Variants in TUSC2 observed in about 807,000 individuals in gnomAD.
TUSC2 encodes tumor suppressor candidate 2.
In TUSC2, 7 loss-of-function variants were observed where a neutral mutation model predicts 11.5. The observed-to-expected ratio is 0.61, with a 90% confidence interval of 0.35 to 1.14. The LOEUF (loss-of-function observed/expected upper bound fraction) is 1.14. TUSC2 is among the 50% of genes most tolerant of loss of function. The probability of loss-of-function intolerance (pLI) is 0.03; values close to 1 mark genes in which losing one functional copy is unlikely to be tolerated. For synonymous variants in TUSC2, 61 were observed against 64.1 expected (o/e 0.95, Z 0.23); for missense variants, 132 against 155.0 (o/e 0.85, Z 0.79).
chr3:50,328,203 C>T lies in TUSC2; in HGVS notation c.-104G>A. On this transcript the variant is annotated 5_prime_UTR_variant, in exon 1 of 3. Transcript: ENST00000232496. ...CCGCTGATCGCAGGTGCCGCCGCCG[C>T]CGCCTTCCGCAGGCTCGGCTGTCTC... The T allele has an allele frequency of 7.9e-7, 1 of 1,258,072 alleles. No individual in the cohort carries two copies. The highest frequency in any genetic ancestry group is 1.0e-6 in the Non-Finnish European group (1 of 985,696). 77.9% of individuals were successfully genotyped at this position (1,258,072 alleles called of 1,614,324 possible).
rs1702770089 is a variant in TUSC2, at chr3:50,325,188, G to A, written c.*933C>T. 2 of 152,532 alleles carry A rather than the reference G, an allele frequency of 1.3e-5. No homozygotes were observed. Among genetic ancestry groups the A allele is most frequent in the Admixed American group, 1.3e-4 (2 of 15,284 alleles). The allele number at this position is 152,532 out of a possible 1,614,324, so 9.4% of individuals were successfully genotyped here. A position where few individuals can be genotyped will look rare whatever the true frequency, so the allele number is the denominator to read the frequency against. On this transcript the variant is annotated 3_prime_UTR_variant, in exon 3 of 3. Transcript: ENST00000232496. The surrounding 1 kb of genome is among the most constrained non-coding windows in gnomAD (Gnocchi z 5.1). ...TGCTTTCCCTTGACTGATCCTGAAGGGGTGGGGGTTACTGTAAGGGAGGGG... is the reference window on the plus strand; with the variant it reads ...TGCTTTCCCTTGACTGATCCTGAAGAGGTGGGGGTTACTGTAAGGGAGGGG...
Position 50,327,267 on chromosome 3 carries a change from C to T in TUSC2, c.146+687G>A, listed in dbSNP as rs1471612746. The T allele has an allele frequency of 4.4e-6, 2 of 456,220 alleles. 1 individual carries two copies. The highest frequency in any genetic ancestry group is 4.7e-5 in the Admixed American group (2 of 42,558). The allele number at this position is 456,220 out of a possible 1,614,324, so 28.3% of individuals were successfully genotyped here. ...GGAATGAAGGCTGCGTCTCCCCTGA[C>T]CCCACACCCCAGGTGGCTGGTGAAT... is the stretch of plus-strand genomic sequence containing the variant. On this transcript the variant is annotated intron_variant, in intron 1 of 2. Coordinates refer to ENST00000232496, the MANE Select transcript of TUSC2 (RefSeq NM_007275.3).
At position 50,328,138 on chromosome 3, in the gene TUSC2, C is replaced by A; in HGVS notation, c.-39G>T. On this transcript the variant is annotated 5_prime_UTR_variant, in exon 1 of 3. Transcript: ENST00000232496. ...GCGCATGGCGGGCCCCGTGGCCGCT[C>A]TGCTCACACCGCAGTCCGCACTACC... 1 of 1,354,004 alleles carries A rather than the reference C, an allele frequency of 7.4e-7. No individual in the cohort carries two copies. The highest frequency in any genetic ancestry group is 1.7e-5 in the South Asian group (1 of 57,364). The allele number at this position is 1,354,004 out of a possible 1,614,324, so 83.9% of individuals were successfully genotyped here. A position where few individuals can be genotyped will look rare whatever the true frequency, so the allele number is the denominator to read the frequency against.
In TUSC2 at chr3:50,326,493, AG is replaced by A; in HGVS notation, c.147-17del. 6.2e-7 allele frequency: 1 copy of A among 1,612,530 alleles called. No homozygotes were observed. Among genetic ancestry groups the A allele is most frequent in the Non-Finnish European group, 8.5e-7 (1 of 1,178,962 alleles). On this transcript the variant is annotated splice_polypyrimidine_tract_variant and intron_variant, in intron 1 of 2. Transcript: ENST00000232496. ...GAACATAGAGCTGTGTAGAGGGAGA[AG>A]GAAACAGGCTGGGCTGGAGCCCCAC...
Position 50,326,082 on chromosome 3 carries a change from G to GC in TUSC2, c.*38dup. The stretch of plus-strand genomic sequence containing the variant: ...CCTTGATTGAGCCTGGGAGTTTCTT[G>GC]CCGGGGCAGGGGGTGCTTCTGTCTG... On this transcript the variant is annotated 3_prime_UTR_variant, in exon 3 of 3. Transcript: ENST00000232496. 3 of 1,556,560 alleles carry GC rather than the reference G, an allele frequency of 1.9e-6. No homozygotes were observed. Among genetic ancestry groups the GC allele is most frequent in the Non-Finnish European group, 2.6e-6 (3 of 1,149,392 alleles).
chr3:50,326,615 T>C, intron 1 of TUSC2, 138 bp from the exon 2 acceptor site: 1 of 1,342,770 alleles, frequency 7.4e-7, no homozygotes, highest in Non-Finnish European at 1.0e-6. Flanking sequence ...GGAGAATCCT[T>C]TTTTTAAAAA....
Position 50,327,960 on chromosome 3 carries a change from C to T in TUSC2, c.140G>A (p.Arg47His). The change falls in exon 1 of 3, where the codon CGC (arginine) becomes CAC (histidine). Residue 47 changes from arginine to histidine, a missense_variant. By Grantham distance (29) the Arg-to-His change is conservative. Coordinates refer to ENST00000232496, the MANE Select transcript of TUSC2 (RefSeq NM_007275.3). ...GRAVPPFVFTRRGSMFYDEDG... is the reference protein window; with the variant it reads ...GRAVPPFVFTHRGSMFYDEDG... ...GTGGAACCCATGCCCTTACCCGCGG[C>T]GCGTGAATACGAAGGGGGGCACAGC... The T allele has an allele frequency of 6.5e-7, 1 of 1,537,160 alleles. No homozygotes were observed. The highest frequency in any genetic ancestry group is 8.7e-7 in the Non-Finnish European group (1 of 1,144,648).
rs782304782 is a variant in TUSC2, at chr3:50,327,978, G to T, written c.122C>A (p.Pro41His). ...CCCGCGGCGCGTGAATACGAAGGGGGGCACAGCTCGGCCCCGAGGCCGCAC... is the reference window on the plus strand; with the variant it reads ...CCCGCGGCGCGTGAATACGAAGGGGTGCACAGCTCGGCCCCGAGGCCGCAC... ...ALVRPRGRAV[P>H]PFVFTRRGSM... The change falls in exon 1 of 3, where the codon CCC becomes CAC. Residue 41 changes from proline (P) to histidine (H), a missense_variant. By Grantham distance (77) the Pro-to-His change is moderately conservative. Transcript: ENST00000232496. The T allele has an allele frequency of 6.5e-6, 10 of 1,542,170 alleles. No homozygotes were observed. The highest frequency in any genetic ancestry group is 1.2e-5 in the South Asian group (1 of 83,038).
chr3:50,326,965 TG>T (rs1224960056), intron 1 of TUSC2: 10 of 332,608 alleles, frequency 3.0e-5, no homozygotes, highest in African/African-American at 2.0e-4. Flanking sequence ...TAGAAGAAAG[TG>T]GGAAGTGAGG....
rs2236946 is a variant in TUSC2, at chr3:50,326,340, G to A, written c.267+17C>T. On this transcript the variant is annotated intron_variant, in intron 2 of 2. Transcript: ENST00000232496. ...CACGCTTAGTGTAGGCTCTGTGACC[G>A]CTGCCCAGCCCCTCACCTGAGGAAT... 66,156 of 1,613,376 alleles carry A rather than the reference G, an allele frequency of 0.041. 12,446 individuals carry two copies. The East Asian group carries it at 0.54, about 13-fold the overall frequency.
chr3:50,326,026 CCCCA>C lies in TUSC2; in HGVS notation c.*91_*94del. On this transcript the variant is annotated 3_prime_UTR_variant, in exon 3 of 3. Transcript: ENST00000232496. ...CAACAGAGTTTATTCAGGGTTGTGG[CCCCA>C]GCCTGGGCTCCTCAATGGAAGCCAC... 2 of 1,461,606 alleles carry C rather than the reference CCCCA, an allele frequency of 1.4e-6. No homozygotes were observed. The highest frequency in any genetic ancestry group is 2.5e-5 in the South Asian group (2 of 81,268). The allele number at this position is 1,461,606 out of a possible 1,614,324, so 90.5% of individuals were successfully genotyped here. A position where few individuals can be genotyped will look rare whatever the true frequency, so the allele number is the denominator to read the frequency against.
intron 1 of TUSC2, 32 bp downstream of exon 1, chr3:50,327,922 T>TC: frequency 1.4e-6 from 2 of 1,414,816 alleles, no homozygotes; most frequent in Admixed American, 3.1e-5. Flanking sequence ...GCCCGCCTGT[T>TC]CCCCCCGCCA....
Position 50,327,979 on chromosome 3 carries a change from G to A in TUSC2, c.121C>T (p.Pro41Ser), listed in dbSNP as rs782269549. Reference protein sequence around the residue: ...ALVRPRGRAVPPFVFTRRGSM... With the variant: ...ALVRPRGRAVSPFVFTRRGSM... ...CCGCGGCGCGTGAATACGAAGGGGG[G>A]CACAGCTCGGCCCCGAGGCCGCACC... Residue 41 changes from proline to serine, a missense_variant, in exon 1 of 3, where the codon CCC becomes TCC. Physicochemically the swap from Pro to Ser is moderately conservative, Grantham distance 74. Around this residue, in one of 3 missense-constraint regions of TUSC2, gnomAD observed 50 missense variants for 27.9 expected, o/e 1.79. Transcript: ENST00000232496. The A allele has an allele frequency of 1.3e-6, 2 of 1,541,630 alleles. No individual in the cohort carries two copies. The highest frequency in any genetic ancestry group is 1.4e-5 in the African/African-American group (1 of 70,564).
Position 50,325,347 on chromosome 3 carries a change from G to A in TUSC2, c.*774C>T, listed in dbSNP as rs1702772878. 1 of 152,212 alleles carries A rather than the reference G, an allele frequency of 6.6e-6. No individual in the cohort carries two copies. Among genetic ancestry groups the A allele is most frequent in the South Asian group, 2.1e-4 (1 of 4,836 alleles). The allele number at this position is 152,212 out of a possible 1,614,324, so 9.4% of individuals were successfully genotyped here. On this transcript the variant is annotated 3_prime_UTR_variant, in exon 3 of 3. Coordinates refer to ENST00000232496, the MANE Select transcript of TUSC2 (RefSeq NM_007275.3). The surrounding 1 kb of genome is among the most constrained non-coding windows in gnomAD (Gnocchi z 5.1). ...CCATGGAGATTAGACAGAATAGGTG[G>A]GTTGGAGTAACTCCCCATAGGCACA...
intron 1 of TUSC2, chr3:50,327,000 G>A (rs903970510): frequency 1.7e-5 from 6 of 357,324 alleles, no homozygotes; most frequent in African/African-American, 1.3e-4. Flanking sequence ...GTGCTACTAT[G>A]TCAGACCCCC....
In TUSC2 at chr3:50,324,991, A is replaced by G. The variant is rs1702767492; in HGVS notation, c.*1130T>C. ...AGCTAGGGGCCATCCTCCCCAAGCC[A>G]TTTCCCACATTATAGAAGCACAGAG... On this transcript the variant is annotated 3_prime_UTR_variant, in exon 3 of 3. Transcript: ENST00000232496. 1 of 152,520 alleles carries G rather than the reference A, an allele frequency of 6.6e-6. No homozygotes were observed. Among genetic ancestry groups the G allele is most frequent in the Non-Finnish European group, 1.5e-5 (1 of 68,028 alleles). 9.4% of individuals were successfully genotyped at this position (152,520 alleles called of 1,614,324 possible).
At chr3:50,326,511 G>C in intron 1 of TUSC2, 34 bp from the exon 2 acceptor site, 1 of 1,609,190 alleles carries the variant, frequency 6.2e-7, no homozygotes, top group Non-Finnish European at 8.5e-7. Context: ...GGCTGGGCTG[G>C]AGCCCCACAC....
In TUSC2 at chr3:50,326,085, G is replaced by A. The variant is rs370009470; in HGVS notation, c.*36C>T. On this transcript the variant is annotated 3_prime_UTR_variant, in exon 3 of 3. Transcript: ENST00000232496. ...TGATTGAGCCTGGGAGTTTCTTGCCGGGGCAGGGGGTGCTTCTGTCTGCCA... is the reference window on the plus strand; with the variant it reads ...TGATTGAGCCTGGGAGTTTCTTGCCAGGGCAGGGGGTGCTTCTGTCTGCCA... The A allele has an allele frequency of 4.4e-5, 69 of 1,558,570 alleles. No individual in the cohort carries two copies. Among genetic ancestry groups the A allele is most frequent in the South Asian group, 4.3e-4 (36 of 84,576 alleles).
chr3:50,325,977 C>CGGT lies in TUSC2; in HGVS notation c.*143_*144insACC. 1 of 1,037,530 alleles carries CGGT rather than the reference C, an allele frequency of 9.6e-7. No individual in the cohort carries two copies. The highest frequency in any genetic ancestry group is 1.4e-6 in the Non-Finnish European group (1 of 704,614). 64.3% of individuals were successfully genotyped at this position (1,037,530 alleles called of 1,614,324 possible). ...CCCAACCAATACTGTGGGACCGACC[C>CGGT]GCTCACAGCTGAAGGTTATGGGCCA... On this transcript the variant is annotated 3_prime_UTR_variant, in exon 3 of 3. Transcript: ENST00000232496. The surrounding 1 kb of genome is among the most constrained non-coding windows in gnomAD (Gnocchi z 5.1).
Sources: allele counts gnomAD v4.1 joint callset, GRCh38; gene constraint gnomAD v4.1.1; regional missense constraint gnomAD v4.1.1; non-coding constraint Gnocchi (gnomAD v3.1); transcripts MANE v1.5; gene names NCBI Gene and HGNC (gene_info 2026-07-23, HGNC 2026-07-21).